The following SLCO3A1 variants were observed in gnomAD, a reference collection of about 807,000 sequenced individuals.
SLCO3A1 encodes PGE1 transporter.
In SLCO3A1, 27 loss-of-function variants were observed where a neutral mutation model predicts 63.1. The ratio of observed to expected loss-of-function variants is 0.43; its 90% CI spans 0.32 to 0.59. SLCO3A1 has a LOEUF of 0.59. SLCO3A1 is among the 20% of genes least tolerant of loss of function. The pLI is 0.09. For synonymous variants in SLCO3A1, 473 were observed against 409.9 expected (o/e 1.15, Z -1.86); for missense variants, 773 against 945.8 (o/e 0.82, Z 2.40).
intron 2 of SLCO3A1, among the ~76,000 whole-genome samples, chr15:92,018,881 T>C (rs2046471464): frequency 6.6e-6 from 1 of 152,150 alleles, no homozygotes; most frequent in Non-Finnish European, 1.5e-5. Flanking sequence ...GTTACGATAA[T>C]GTGACTGCAG....
At chr15:92,076,912 A>G (rs2047284512) in intron 2 of SLCO3A1, among the ~76,000 whole-genome samples, 1 of 152,218 alleles carries the variant, frequency 6.6e-6, no homozygotes, top group Non-Finnish European at 1.5e-5. Flanking sequence ...TCATGCTGCT[A>G]ATAAAGACAC....
At chr15:92,021,840 C>G (rs1192917399) in intron 2 of SLCO3A1, among the ~76,000 whole-genome samples, 1 of 151,962 alleles carries the variant, frequency 6.6e-6, no homozygotes, top group Non-Finnish European at 1.5e-5. Context: ...TAGGGACGCC[C>G]GAGGGAGGCT....
chr15:91,908,684 T>C (rs769649742), intron 1 of SLCO3A1: 4 of 151,890 alleles, frequency 2.6e-5, no homozygotes, highest in Admixed American at 2.6e-4. Context: ...TCTACCACTT[T>C]ACTACAGGAA....
chr15:92,165,622 A>G lies in SLCO3A1; in HGVS notation c.*2487A>G. On this transcript the variant is annotated 3_prime_UTR_variant, in exon 10 of 10. Coordinates refer to ENST00000318445, the MANE Select transcript of SLCO3A1 (RefSeq NM_013272.4). ...GAAGACAACTCCAGGGCTGAGTTTT[A>G]TCAGCAATTGGGTATAAATTTAAAG... The G allele has an allele frequency of 1.0e-6, 1 of 985,372 alleles. No homozygotes were observed. The highest frequency in any genetic ancestry group is 1.2e-6 in the Non-Finnish European group (1 of 829,860). The allele number at this position is 985,372 out of a possible 1,614,324, so 61.0% of individuals were successfully genotyped here.
chr15:91,918,147 G>T (rs555187520), intron 2 of SLCO3A1, among the ~76,000 whole-genome samples: 82 of 152,356 alleles, frequency 5.4e-4, no homozygotes, highest in Middle Eastern at 3.4e-3. Context: ...GGTGAGGGTT[G>T]GTTTGAATGT....
At chr15:91,996,666 T>C (rs575676952) in intron 2 of SLCO3A1, among the ~76,000 whole-genome samples, 1 of 152,158 alleles carries the variant, frequency 6.6e-6, no homozygotes, top group Non-Finnish European at 1.5e-5. Flanking sequence ...TTATTTGAAC[T>C]GCCTAATGTG....
chr15:91,910,741 C>T (rs1442681296), intron 1 of SLCO3A1, among the ~76,000 whole-genome samples: 1 of 152,204 alleles, frequency 6.6e-6, no homozygotes, highest in Non-Finnish European at 1.5e-5. Context: ...AACCTCTCTG[C>T]CACCTGATAC....
intron 2 of SLCO3A1, among the ~76,000 whole-genome samples, chr15:91,988,566 A>C (rs1437440529): frequency 6.6e-6 from 1 of 152,178 alleles, no homozygotes; most frequent in African/African-American, 2.4e-5. Context: ...TAGTAAAATA[A>C]TCAAAATCCT....
chr15:92,164,644 T>C lies in SLCO3A1; in HGVS notation c.*1509T>C. ...GATAACGAATAGACCCACAAGCTCC[T>C]GGAAGCTGTCGTGTGTCCAATGCGT... On this transcript the variant is annotated 3_prime_UTR_variant, in exon 10 of 10. Coordinates refer to ENST00000318445, the MANE Select transcript of SLCO3A1 (RefSeq NM_013272.4). The C allele has an allele frequency of 1.0e-6, 1 of 985,424 alleles. No individual in the cohort carries two copies. The highest frequency in any genetic ancestry group is 4.7e-5 in the South Asian group (1 of 21,288). 61.0% of individuals were successfully genotyped at this position (985,424 alleles called of 1,614,324 possible).
chr15:92,016,569 G>A (rs904849272), intron 2 of SLCO3A1, among the ~76,000 whole-genome samples: 2 of 152,172 alleles, frequency 1.3e-5, no homozygotes, highest in Non-Finnish European at 2.9e-5. Flanking sequence ...GTGCAGCACG[G>A]GACAAAGAGA....
Position 91,894,456 on chromosome 15 carries a change from C to T in SLCO3A1, c.181-21537C>T, listed in dbSNP as rs1897953733. ...GGTGAGGGGTTGATGGTCGCCAGGTCATAGGTGGTAGCAGTGGAGACAGAG... is the reference window on the plus strand; with the variant it reads ...GGTGAGGGGTTGATGGTCGCCAGGTTATAGGTGGTAGCAGTGGAGACAGAG... On this transcript the variant is annotated intron_variant, in intron 1 of 9. Coordinates refer to ENST00000318445, the MANE Select transcript of SLCO3A1 (RefSeq NM_013272.4). The surrounding 1 kb of genome is among the most constrained non-coding windows in gnomAD (Gnocchi z 4.8). Among the ~76,000 whole-genome samples the T allele has an allele frequency of 6.6e-6, 1 of 151,978 alleles. No individual in the cohort carries two copies. Among genetic ancestry groups the T allele is most frequent in the African/African-American group, 2.4e-5 (1 of 41,356 alleles).
intron 1 of SLCO3A1, chr15:91,889,171 T>A (rs1897806377): frequency 7.8e-7 from 1 of 1,287,736 alleles, no homozygotes; most frequent in Non-Finnish European, 1.0e-6. Context: ...TTGACTGATG[T>A]CATAACACTG....
intron 7 of SLCO3A1, among the ~76,000 whole-genome samples, chr15:92,133,492 G>A (rs894470430): frequency 3.4e-5 from 5 of 145,848 alleles, no homozygotes; most frequent in African/African-American, 1.2e-4. Flanking sequence ...CGAGTGGCAG[G>A]TGAGCAAAGC....
intron 2 of SLCO3A1, among the ~76,000 whole-genome samples, chr15:91,937,283 A>G (rs1899447190): frequency 6.6e-6 from 1 of 152,222 alleles, no homozygotes; most frequent in African/African-American, 2.4e-5. Context: ...GGGGGCAGGT[A>G]GCACGGGCAA....
At chr15:92,147,189 T>C in intron 8 of SLCO3A1, 30 bp downstream of exon 8, 1 of 1,590,360 alleles carries the variant, frequency 6.3e-7, no homozygotes, top group African/African-American at 1.3e-5. Context: ...CCGCCTCTCC[T>C]CCTTTCCACC....
chr15:92,085,380 G>T (rs925923903), intron 2 of SLCO3A1, among the ~76,000 whole-genome samples: 1 of 152,216 alleles, frequency 6.6e-6, no homozygotes, highest in African/African-American at 2.4e-5. Flanking sequence ...GCTAACTGGG[G>T]ACCCAGTTTT....
intron 5 of SLCO3A1, among the ~76,000 whole-genome samples, chr15:92,121,810 C>G (rs138466833): frequency 3.3e-5 from 5 of 152,152 alleles, no homozygotes; most frequent in Non-Finnish European, 7.3e-5. Flanking sequence ...TGAGATGATT[C>G]CAAGAAGAAA....
chr15:92,036,046 G>T (rs1413797155), intron 2 of SLCO3A1, among the ~76,000 whole-genome samples: 1 of 146,830 alleles, frequency 6.8e-6, no homozygotes, highest in East Asian at 1.9e-4. Flanking sequence ...CACTGCCCAG[G>T]GCTTGGACCA....
At chr15:91,901,208 C>A (rs974147477) in intron 1 of SLCO3A1, among the ~76,000 whole-genome samples, 2 of 152,132 alleles carry the variant, frequency 1.3e-5, no homozygotes, top group Non-Finnish European at 2.9e-5. Context: ...TCACAGTGTA[C>A]TTCAGATCAG....
Sources: gnomAD v4.1 joint callset for allele counts (sites outside exome capture counted in the v4.1 genomes callset) on GRCh38, gnomAD v4.1.1 for gene constraint, Gnocchi (gnomAD v3.1) non-coding constraint, MANE v1.5 for transcripts, NCBI Gene and HGNC (gene_info 2026-07-23, HGNC 2026-07-21) for gene names.